ROCK2: variants seen among roughly 807,000 people sequenced by gnomAD.
The protein encoded by ROCK2 is Rho associated coiled-coil containing protein kinase 2.
A neutral mutation model predicts 195.1 loss-of-function variants in ROCK2; 61 were observed. That is an observed-to-expected ratio of 0.31 (90% CI 0.25 to 0.39). ROCK2 has a LOEUF of 0.39. Among genes scored for constraint, ROCK2 ranks in the 10% least tolerant of loss-of-function variants. The pLI is 1.00. For synonymous variants in ROCK2, 504 were observed against 545.5 expected (o/e 0.92, Z 1.06); for missense variants, 1,109 against 1,637.4 (o/e 0.68, Z 5.57).
rs536393153 is a variant in ROCK2, at chr2:11,318,427, G to A, written c.141+25569C>T. Reference sequence around the variant, plus strand: ...AAATGTCTTCTTTTGAGAAGTGTCTGTTCATGTCCTTTGCCCACTTTTTGA... The same window carrying A: ...AAATGTCTTCTTTTGAGAAGTGTCTATTCATGTCCTTTGCCCACTTTTTGA... On this transcript the variant is annotated intron_variant, in intron 1 of 32. Transcript: ENST00000315872. Among the ~76,000 whole-genome samples the A allele has an allele frequency of 7.0e-3, 1,071 of 152,264 alleles. 16 individuals carry two copies. The highest frequency in any genetic ancestry group is 0.025 in the African/African-American group (1,019 of 41,538).
intron 16 of ROCK2, 47 bp from the exon 17 acceptor site, chr2:11,214,510 T>A: frequency 9.4e-7 from 1 of 1,066,232 alleles, no homozygotes; most frequent in Non-Finnish European, 1.4e-6. Context: ...ACAAAGTATA[T>A]ACATTCAATT....
intron 3 of ROCK2, among the ~76,000 whole-genome samples, chr2:11,263,075 GAAATAACCCTGTAAAC>G (rs1666290614): frequency 6.6e-6 from 1 of 152,042 alleles, no homozygotes. Context: ...TTGCAACTTA[GAAATAACCCTGTAAAC>G]AGTGAAGAGC....
rs190554194 is a variant in ROCK2 at position 11,308,503 on chromosome 2, A to G, written c.142-20767T>C. 9.5e-6 allele frequency: 15 copies of G among 1,585,120 alleles called. No individual in the cohort carries two copies. In the Admixed American group the frequency reaches 2.0e-4, roughly 21 times the overall value. On this transcript the variant is annotated intron_variant, in intron 1 of 32. Coordinates refer to ENST00000315872, the MANE Select transcript of ROCK2 (RefSeq NM_004850.5). ...CCGGTACTTTCTTACCAAGGTTGCC[A>G]CTGGAACCAGGAATGACATTACTCA...
intron 3 of ROCK2, among the ~76,000 whole-genome samples, chr2:11,273,090 G>C (rs1666699655): frequency 1.1e-5 from 1 of 92,606 alleles, no homozygotes; most frequent in African/African-American, 3.5e-5. Flanking sequence ...CAGGAAATAA[G>C]GGTCAAAAAA....
At chr2:11,229,415 T>C (rs534768736) in intron 5 of ROCK2, among the ~76,000 whole-genome samples, 4 of 151,880 alleles carry the variant, frequency 2.6e-5, no homozygotes, top group African/African-American at 4.8e-5. Context: ...ACTAAAGAGA[T>C]TGGTTTACCA....
At chr2:11,234,404 C>A (rs952720803) in intron 5 of ROCK2, 2 of 152,190 alleles carry the variant, frequency 1.3e-5, no homozygotes, top group Non-Finnish European at 2.9e-5. Flanking sequence ...AAAACATCTT[C>A]TCTTATGTAT....
At chr2:11,277,477 A>C (rs1361467710) in intron 3 of ROCK2, among the ~76,000 whole-genome samples, 1 of 151,886 alleles carries the variant, frequency 6.6e-6, no homozygotes, top group Non-Finnish European at 1.5e-5. Context: ...TATCCCTTGC[A>C]CCCCTCCAAT....
At chr2:11,189,048 G>GA (rs1663316137) in intron 32 of ROCK2, among the ~76,000 whole-genome samples, 1 of 151,298 alleles carries the variant, frequency 6.6e-6, no homozygotes, top group African/African-American at 2.4e-5. Context: ...CAAAAAAAAA[G>GA]AAAAAAGAAG....
intron 3 of ROCK2, among the ~76,000 whole-genome samples, chr2:11,270,464 T>C (rs1271770012): frequency 6.6e-6 from 1 of 152,206 alleles, no homozygotes; most frequent in Non-Finnish European, 1.5e-5. Context: ...TTTTTTCTTC[T>C]TCTTGTATTC....
rs542609349 is a variant in ROCK2 at position 11,281,125 on chromosome 2, C to T, written c.324+5414G>A. On this transcript the variant is annotated intron_variant, in intron 3 of 32. Coordinates refer to ENST00000315872, the MANE Select transcript of ROCK2 (RefSeq NM_004850.5). ...AAATCAATTATTGTAATCCATCACA[C>T]CAACAGGCTAAAAAAGAAAGACAGA... 2.7e-5 allele frequency among the ~76,000 whole-genome samples: 4 copies of T among 149,804 alleles called. No homozygotes were observed. In the South Asian group the frequency reaches 8.4e-4, roughly 32 times the overall value.
At chr2:11,296,005 GGAGAGAGAGA>G (rs70953384) in intron 1 of ROCK2, among the ~76,000 whole-genome samples, 17 of 10,334 alleles carry the variant, frequency 1.6e-3, no homozygotes, top group Non-Finnish European at 1.5e-3. Context: ...GAGAGAGAGA[GGAGAGAGAGA>G]GAGAGAGAGA....
rs1162881025 is a variant in ROCK2 at position 11,195,031 on chromosome 2, A to T, written c.3449-6T>A. On this transcript the variant is annotated splice_polypyrimidine_tract_variant and splice_region_variant and intron_variant, in intron 27 of 32. Transcript: ENST00000315872. Reference sequence around the variant, plus strand: ...CCATCCTTCTAATCTTGATTCTACAAATAAGCACAACATGTGAGGCTAAAG... The same window carrying T: ...CCATCCTTCTAATCTTGATTCTACATATAAGCACAACATGTGAGGCTAAAG... 1.3e-6 allele frequency: 2 copies of T among 1,536,848 alleles called. No individual in the cohort carries two copies. The highest frequency in any genetic ancestry group is 1.4e-5 in the African/African-American group (1 of 72,940).
At chr2:11,210,786 TG>T (rs1324080015) in intron 18 of ROCK2, among the ~76,000 whole-genome samples, 1 of 152,218 alleles carries the variant, frequency 6.6e-6, no homozygotes, top group Non-Finnish European at 1.5e-5. Context: ...CAAGGAAATA[TG>T]GCCCAGTAAC....
intron 20 of ROCK2, 46 bp from the exon 21 acceptor site, chr2:11,202,167 T>C (rs763698398): frequency 6.8e-7 from 1 of 1,480,956 alleles, no homozygotes; most frequent in South Asian, 1.1e-5. Flanking sequence ...ACACATATTT[T>C]AAACGAGCAG....
chr2:11,211,713 G>A lies in ROCK2; in HGVS notation c.2171C>T (p.Ser724Phe). The A allele has an allele frequency of 6.2e-7, 1 of 1,610,100 alleles. No individual in the cohort carries two copies. The highest frequency in any genetic ancestry group is 8.5e-7 in the Non-Finnish European group (1 of 1,178,450). Reference sequence around the variant, plus strand: ...GGCTTCTGATTTGGCTTCTTCGATGGACTCATAGATCTTATTTTTATCTGC... The same window carrying A: ...GGCTTCTGATTTGGCTTCTTCGATGAACTCATAGATCTTATTTTTATCTGC... ...RLADKNKIYE[S>F]IEEAKSEAMK... Residue 724 changes from serine to phenylalanine, a missense_variant, in exon 18 of 33, where the codon TCC becomes TTC. Ser to Phe is a radical substitution (Grantham distance 155). Coordinates refer to ENST00000315872, the MANE Select transcript of ROCK2 (RefSeq NM_004850.5).
chr2:11,324,569 T>A (rs1445676546), intron 1 of ROCK2, among the ~76,000 whole-genome samples: 1 of 152,170 alleles, frequency 6.6e-6, no homozygotes, highest in South Asian at 2.1e-4. Context: ...GTATGGTACA[T>A]CCAGACAATG....
At chr2:11,254,876 A>G (rs904084176) in intron 3 of ROCK2, among the ~76,000 whole-genome samples, 4 of 152,046 alleles carry the variant, frequency 2.6e-5, no homozygotes, top group African/African-American at 9.7e-5. Flanking sequence ...TTAAACCCTA[A>G]AAGATCCAAA....
At position 11,286,716 on chromosome 2, in the gene ROCK2, T is replaced by TTTTG. The variant is rs1572363229; in HGVS notation, c.224-81_224-78dup. 5.5e-6 allele frequency: 5 copies of TTTTG among 915,460 alleles called. No homozygotes were observed. The East Asian group carries it at 1.4e-4, about 26-fold the overall frequency. The allele number at this position is 915,460 out of a possible 1,614,324, so 56.7% of individuals were successfully genotyped here. On this transcript the variant is annotated intron_variant, in intron 2 of 32. Coordinates refer to ENST00000315872, the MANE Select transcript of ROCK2 (RefSeq NM_004850.5). ...ACATAATCAACATTTATAAATATAT[T>TTTTG]TTTGTTTCAAGAAAAGACAGTTTTT...
At chr2:11,284,405 G>A (rs1467368953) in intron 3 of ROCK2, among the ~76,000 whole-genome samples, 5 of 152,144 alleles carry the variant, frequency 3.3e-5, no homozygotes, top group Admixed American at 3.3e-4. Flanking sequence ...CAATGGGTGA[G>A]TATAATGTGT....
Sources: gnomAD v4.1 joint callset for allele counts (sites outside exome capture counted in the v4.1 genomes callset) on GRCh38, gnomAD v4.1.1 for gene constraint, MANE v1.5 for transcripts, NCBI Gene and HGNC (gene_info 2026-07-23, HGNC 2026-07-21) for gene names.